DLGAP2: variants seen among roughly 807,000 people sequenced by gnomAD.
The protein encoded by DLGAP2 is DLG associated protein 2.
In DLGAP2, 26 loss-of-function variants were observed where a neutral mutation model predicts 100.3. The ratio of observed to expected loss-of-function variants is 0.26; its 90% CI spans 0.19 to 0.36. DLGAP2 has a LOEUF of 0.36. Ranked by LOEUF, DLGAP2 falls within the 10% of genes least tolerant of loss-of-function variation. The pLI is 1.00. For missense variants in DLGAP2, 1,858 were observed against 1,453.2 expected (o/e 1.28, Z -4.53); for synonymous variants, 886 against 630.1 (o/e 1.41, Z -6.08).
In DLGAP2 at chr8:1,330,418, C is replaced by T. The variant is rs142749948; in HGVS notation, c.106+71535C>T. Reference sequence around the variant, plus strand: ...AGGGACTAGTTCTGGGTGGGAGCACCGCTTCGCGGGGACTGAGTTCTGGGT... The same window carrying T: ...AGGGACTAGTTCTGGGTGGGAGCACTGCTTCGCGGGGACTGAGTTCTGGGT... On this transcript the variant is annotated intron_variant, in intron 3 of 14. Transcript: ENST00000637795. Among the ~76,000 whole-genome samples the T allele has an allele frequency of 5.7e-3, 749 of 131,522 alleles. 11 individuals carry two copies. Among genetic ancestry groups the T allele is most frequent in the African/African-American group, 0.013 (485 of 36,762 alleles). The allele number at this position is 131,522 out of a possible 152,430, so 86.3% of individuals were successfully genotyped here.
chr8:1,091,043 C>T lies in DLGAP2; in HGVS notation c.74-167808C>T, dbSNP rs894429426. On this transcript the variant is annotated intron_variant, in intron 2 of 14. Coordinates refer to ENST00000637795, the MANE Select transcript of DLGAP2 (RefSeq NM_001346810.2). ...GACGTGGTGTTTGTCAGTCTTCACT[C>T]TGGGTCTGAAAGGCAGTCTTGCCCC... Among the ~76,000 whole-genome samples, 12 of 152,162 alleles carry T rather than the reference C, an allele frequency of 7.9e-5. 1 individual carries two copies. The highest frequency in any genetic ancestry group is 2.9e-4 in the African/African-American group (12 of 41,434).
At chr8:1,100,523 T>C (rs1243647729) in intron 2 of DLGAP2, among the ~76,000 whole-genome samples, 2 of 152,098 alleles carry the variant, frequency 1.3e-5, no homozygotes, top group East Asian at 1.9e-4. Context: ...TGTGTGTGTG[T>C]GCGTGCACGT....
intron 3 of DLGAP2, among the ~76,000 whole-genome samples, chr8:1,449,364 G>A (rs1455081818): frequency 6.6e-6 from 1 of 152,222 alleles, no homozygotes; most frequent in African/African-American, 2.4e-5. Context: ...AGCCCAGGCA[G>A]CTGCAGGAAT....
intron 3 of DLGAP2, among the ~76,000 whole-genome samples, chr8:1,430,873 T>A (rs73670802): frequency 0.026 from 3,969 of 152,294 alleles, 135 homozygotes; most frequent in African/African-American, 0.087. Context: ...ATATCAGGCA[T>A]TGGCAATAAT....
At chr8:1,318,753 G>T (rs1038299616) in intron 3 of DLGAP2, among the ~76,000 whole-genome samples, 1 of 148,912 alleles carries the variant, frequency 6.7e-6, no homozygotes, top group African/African-American at 2.5e-5. Flanking sequence ...TGTTTTCATT[G>T]TAACTAATCC....
chr8:776,460 T>C (rs939354847), intron 1 of DLGAP2, among the ~76,000 whole-genome samples: 1 of 152,230 alleles, frequency 6.6e-6, no homozygotes, highest in South Asian at 2.1e-4. Flanking sequence ...CAATTTTGGA[T>C]CTTTCCTGCT....
chr8:768,249 T>C (rs1449172672), intron 1 of DLGAP2, among the ~76,000 whole-genome samples: 3 of 152,294 alleles, frequency 2.0e-5, no homozygotes, highest in African/African-American at 7.2e-5. Context: ...AGCTGAGCCC[T>C]GCCTTTTGTT....
At chr8:1,345,580 A>G (rs534550702) in intron 3 of DLGAP2, among the ~76,000 whole-genome samples, 2 of 152,344 alleles carry the variant, frequency 1.3e-5, no homozygotes, top group South Asian at 4.1e-4. Flanking sequence ...CATTGTGTGG[A>G]TGTAATTCCT....
intron 10 of DLGAP2, among the ~76,000 whole-genome samples, chr8:1,672,747 C>T (rs1049348586): frequency 7.9e-5 from 12 of 152,188 alleles, no homozygotes; most frequent in African/African-American, 2.7e-4. Context: ...GAGCTCAAAG[C>T]CTCACAGGCA....
At chr8:1,364,120 A>G (rs981975018) in intron 3 of DLGAP2, among the ~76,000 whole-genome samples, 1 of 151,722 alleles carries the variant, frequency 6.6e-6, no homozygotes, top group African/African-American at 2.4e-5. Context: ...GGCCCCACCC[A>G]CCTTCCCTCC....
At chr8:1,600,804 G>A (rs1796601083) in intron 6 of DLGAP2, among the ~76,000 whole-genome samples, 1 of 152,060 alleles carries the variant, frequency 6.6e-6, no homozygotes, top group South Asian at 2.1e-4. Context: ...TAGCTTCCTT[G>A]TGTTGGGTTA....
intron 4 of DLGAP2, among the ~76,000 whole-genome samples, chr8:1,531,127 TTTTAAG>T (rs1800975719): frequency 6.6e-6 from 1 of 152,222 alleles, no homozygotes; most frequent in Admixed American, 6.5e-5. Flanking sequence ...TTTGTTTCTT[TTTTAAG>T]TTTATTTTTG....
chr8:1,516,138 G>A (rs1206558919), intron 4 of DLGAP2, among the ~76,000 whole-genome samples: 1 of 151,400 alleles, frequency 6.6e-6, no homozygotes, highest in Non-Finnish European at 1.5e-5. Flanking sequence ...AAGGAAAGAG[G>A]GAGGGAATGA....
chr8:1,444,946 A>G (rs979621221), intron 3 of DLGAP2, among the ~76,000 whole-genome samples: 5 of 150,450 alleles, frequency 3.3e-5, no homozygotes, highest in Non-Finnish European at 7.4e-5. Flanking sequence ...TAATTTTTGT[A>G]TTTTTAGTAG....
At chr8:1,320,831 CTG>C (rs1421626247) in intron 3 of DLGAP2, among the ~76,000 whole-genome samples, 4 of 152,278 alleles carry the variant, frequency 2.6e-5, no homozygotes, top group African/African-American at 9.6e-5. Flanking sequence ...CTGTGTGTGT[CTG>C]TGTGTGCACG....
intron 2 of DLGAP2, among the ~76,000 whole-genome samples, chr8:1,170,772 C>T (rs1412040840): frequency 1.3e-5 from 2 of 149,974 alleles, no homozygotes; most frequent in Non-Finnish European, 3.0e-5. Context: ...ATTCTTTTCT[C>T]TTTTTTTCTT....
intron 4 of DLGAP2, among the ~76,000 whole-genome samples, chr8:1,517,647 C>G (rs189069463): frequency 6.6e-6 from 1 of 152,192 alleles, no homozygotes; most frequent in African/African-American, 2.4e-5. Context: ...AAATGCACCA[C>G]ACAGCAGAAG....
chr8:1,084,396 T>G (rs1803906601), intron 2 of DLGAP2, among the ~76,000 whole-genome samples: 1 of 152,232 alleles, frequency 6.6e-6, no homozygotes. Flanking sequence ...ATGAGAACAT[T>G]AGAAATTTAC....
chr8:1,391,722 T>G (rs931756980), intron 3 of DLGAP2, among the ~76,000 whole-genome samples: 2 of 152,246 alleles, frequency 1.3e-5, no homozygotes, highest in Non-Finnish European at 2.9e-5. Flanking sequence ...CTCCAGTATT[T>G]AAGGAGCTCA....
Sources: allele counts gnomAD v4.1 joint callset (sites outside exome capture counted in the v4.1 genomes callset), GRCh38; gene constraint gnomAD v4.1.1; transcripts MANE v1.5; gene names NCBI Gene and HGNC (gene_info 2026-07-23, HGNC 2026-07-21).